The following EPS8 variants were observed in gnomAD, a reference collection of about 807,000 sequenced individuals.
EPS8 encodes epidermal growth factor receptor kinase substrate 8.
Under a neutral mutation model 103.8 loss-of-function variants are expected in EPS8, and 42 were observed. The observed-to-expected ratio is 0.40, with a 90% CI of 0.32 to 0.52. EPS8 has a LOEUF of 0.52. EPS8 is among the 20% of genes least tolerant of loss of function. The probability of loss-of-function intolerance (pLI) is 0.40; values close to 1 mark genes in which losing one functional copy is unlikely to be tolerated. For synonymous variants in EPS8, 344 were observed against 344.6 expected (o/e 1.00, Z 0.02); for missense variants, 969 against 1,005.1 (o/e 0.96, Z 0.49).
At position 15,650,936 on chromosome 12, in the gene EPS8, T is replaced by A. The variant is rs375337854; in HGVS notation, c.1321A>T (p.Met441Leu). 6.2e-7 allele frequency: 1 copy of A among 1,614,092 alleles called. No homozygotes were observed. Among genetic ancestry groups the A allele is most frequent in the Admixed American group, 1.7e-5 (1 of 60,022 alleles). ...ATTGTGGCTCCCATAAAGTTCAGCATTGGGGGCTCCCAGCCATTGCGGAAT... is the reference window on the plus strand; with the variant it reads ...ATTGTGGCTCCCATAAAGTTCAGCAATGGGGGCTCCCAGCCATTGCGGAAT... ...PRFRNGWEPP[M>L]LNFMGATMEQ... Residue 441 changes from methionine to leucine, a missense_variant, in exon 14 of 21, where the codon ATG (methionine) becomes TTG (leucine). Physicochemically the swap from Met to Leu is conservative, Grantham distance 15. Transcript: ENST00000281172.
Position 15,714,398 on chromosome 12 carries a change from T to G in EPS8, c.-21-31426A>C. 6.6e-6 allele frequency among the ~76,000 whole-genome samples: 1 copy of G among 152,172 alleles called. No individual in the cohort carries two copies. Among genetic ancestry groups the G allele is most frequent in the East Asian group, 1.9e-4 (1 of 5,188 alleles). On this transcript the variant is annotated intron_variant, in intron 1 of 20. Transcript: ENST00000281172. The surrounding 1 kb of genome is among the most constrained non-coding windows in gnomAD (Gnocchi z 4.1). ...GCTCACACCTGTAATCCCAGCTCTT[T>G]GATAGGCCACGGGTGGGAGGATCCC...
intron 1 of EPS8, among the ~76,000 whole-genome samples, chr12:15,726,596 C>T (rs1033448861): frequency 4.6e-5 from 7 of 152,150 alleles, no homozygotes; most frequent in African/African-American, 1.4e-4. Context: ...TACATACATA[C>T]ACATGGAATG....
At chr12:15,763,942 C>T (rs1332283024) in intron 1 of EPS8, among the ~76,000 whole-genome samples, 1 of 152,158 alleles carries the variant, frequency 6.6e-6, no homozygotes, top group African/African-American at 2.4e-5. Flanking sequence ...TCATTCACAA[C>T]AATATTCGGC....
intron 1 of EPS8, among the ~76,000 whole-genome samples, chr12:15,722,546 CA>C (rs1192712326): frequency 6.6e-6 from 1 of 152,162 alleles, no homozygotes; most frequent in Non-Finnish European, 1.5e-5. Flanking sequence ...AATACACTGT[CA>C]AAATTTCCCT....
At chr12:15,753,579 A>C (rs1182208920) in intron 1 of EPS8, among the ~76,000 whole-genome samples, 2 of 152,240 alleles carry the variant, frequency 1.3e-5, no homozygotes, top group African/African-American at 4.8e-5. Flanking sequence ...TTGGATGCTC[A>C]TTTCCATCTT....
At chr12:15,654,503 C>A in intron 12 of EPS8, 1 of 571,170 alleles carries the variant, frequency 1.8e-6, no homozygotes, top group Non-Finnish European at 3.1e-6. Context: ...TGAAAGTTAA[C>A]AATTTAACAA....
At chr12:15,773,234 A>G (rs74063371) in intron 1 of EPS8, among the ~76,000 whole-genome samples, 1 of 152,226 alleles carries the variant, frequency 6.6e-6, no homozygotes, top group Non-Finnish European at 1.5e-5. Flanking sequence ...AGAGAGAAGA[A>G]TCACATTTTA....
intron 1 of EPS8, among the ~76,000 whole-genome samples, chr12:15,742,355 C>T (rs1946833607): frequency 6.6e-6 from 1 of 152,186 alleles, no homozygotes; most frequent in Non-Finnish European, 1.5e-5. Flanking sequence ...TCCTGTTTCT[C>T]CACATCCTCT....
intron 1 of EPS8, among the ~76,000 whole-genome samples, chr12:15,773,206 G>T (rs1453217922): frequency 2.0e-5 from 3 of 152,018 alleles, no homozygotes; most frequent in African/African-American, 7.2e-5. Flanking sequence ...TACACACTTG[G>T]ACATAGGTAC....
At chr12:15,788,635 A>G (rs946757775) in intron 1 of EPS8, among the ~76,000 whole-genome samples, 1 of 152,238 alleles carries the variant, frequency 6.6e-6, no homozygotes, top group Non-Finnish European at 1.5e-5. Flanking sequence ...GTCAACAGCC[A>G]TTAGGCATTG....
chr12:15,674,504 T>C (rs1945869704), intron 3 of EPS8, among the ~76,000 whole-genome samples: 1 of 152,182 alleles, frequency 6.6e-6, no homozygotes. Flanking sequence ...TGAGTGATAA[T>C]TACAAGCTCT....
rs536159935 is a variant in EPS8, at chr12:15,725,703, A to C, written c.-21-42731T>G. On this transcript the variant is annotated intron_variant, in intron 1 of 20. Transcript: ENST00000281172. The surrounding 1 kb of genome is among the most constrained non-coding windows in gnomAD (Gnocchi z 4.5). ...TATCTCATTAAAAGAATCCTGACTC[A>C]TCATCATCAAATAACAGAGAAATGA... Among the ~76,000 whole-genome samples, 218 of 152,308 alleles carry C rather than the reference A, an allele frequency of 1.4e-3. 11 individuals carry two copies. The South Asian group carries it at 0.044, about 30-fold the overall frequency.
chr12:15,782,027 AG>A (rs1461297470), intron 1 of EPS8: 2 of 152,226 alleles, frequency 1.3e-5, no homozygotes, highest in Non-Finnish European at 2.9e-5. Flanking sequence ...AGTTTTGGAG[AG>A]GACAAATATG....
At position 15,693,111 on chromosome 12, in the gene EPS8, A is replaced by G. The variant is rs983884587; in HGVS notation, c.-21-10139T>C. Among the ~76,000 whole-genome samples the G allele has an allele frequency of 1.3e-5, 2 of 152,166 alleles. No homozygotes were observed. The highest frequency in any genetic ancestry group is 2.9e-5 in the Non-Finnish European group (2 of 68,030). On this transcript the variant is annotated intron_variant, in intron 1 of 20. Transcript: ENST00000281172. This position sits in a 1 kb window ranked among gnomAD's most constrained non-coding sequence, Gnocchi z 5.6. ...CAGTGTCCATGGGTGGGGCTTGTGA[A>G]CAAGTGGGCTTCACTGCACAGAAGT...
At chr12:15,669,963 T>C (rs1945786917) in intron 4 of EPS8, 138 bp from the exon 5 acceptor site, 2 of 575,032 alleles carry the variant, frequency 3.5e-6, no homozygotes, top group Non-Finnish European at 5.6e-6. Flanking sequence ...CTCTTAAAAC[T>C]TCATGACTAT....
rs1390280840 is a variant in EPS8, at chr12:15,771,315, C to T, written c.-22+17846G>A. ...ATTTATAGGAAAGCGGGTAGTGAGG[C>T]TAAAATTAAAGAAAGTCACCAGGTT... On this transcript the variant is annotated intron_variant, in intron 1 of 20. Coordinates refer to ENST00000281172, the MANE Select transcript of EPS8 (RefSeq NM_004447.6). This position sits in a 1 kb window ranked among gnomAD's most constrained non-coding sequence, Gnocchi z 4.6. Among the ~76,000 whole-genome samples the T allele has an allele frequency of 6.6e-6, 1 of 152,054 alleles. No individual in the cohort carries two copies. Among genetic ancestry groups the T allele is most frequent in the Admixed American group, 6.6e-5 (1 of 15,266 alleles).
intron 8 of EPS8, chr12:15,662,598 CA>C: frequency 1.0e-6 from 1 of 985,464 alleles, no homozygotes; most frequent in Non-Finnish European, 1.2e-6. Flanking sequence ...TTAAAACCCA[CA>C]ATGTTGGGCT....
chr12:15,747,945 G>A lies in EPS8; in HGVS notation c.-22+41216C>T, dbSNP rs1398825415. 1.3e-5 allele frequency among the ~76,000 whole-genome samples: 2 copies of A among 151,366 alleles called. No individual in the cohort carries two copies. Among genetic ancestry groups the A allele is most frequent in the South Asian group, 2.1e-4 (1 of 4,754 alleles). ...TGAGGCAGGAGAATCGCTTGAACCC[G>A]GGAGGCGGAGATTGCAGTGAGCCGA... On this transcript the variant is annotated intron_variant, in intron 1 of 20. Transcript: ENST00000281172. The surrounding 1 kb of genome is among the most constrained non-coding windows in gnomAD (Gnocchi z 4.4).
At chr12:15,666,641 G>A in intron 6 of EPS8, 119 bp from the exon 7 acceptor site, 2 of 661,048 alleles carry the variant, frequency 3.0e-6, no homozygotes, top group South Asian at 4.3e-5. Context: ...GATGTAAAAA[G>A]TCTTTTTATA....
Sources: allele counts gnomAD v4.1 joint callset (sites outside exome capture counted in the v4.1 genomes callset), GRCh38; gene constraint gnomAD v4.1.1; non-coding constraint Gnocchi (gnomAD v3.1); transcripts MANE v1.5; gene names NCBI Gene and HGNC (gene_info 2026-07-23, HGNC 2026-07-21).